Variants in TUSC3 observed in about 807,000 individuals in gnomAD.
The protein encoded by TUSC3 is tumor suppressor candidate 3.
TUSC3 carries 45 observed loss-of-function variants against 44.8 expected under a neutral mutation model. That is an observed-to-expected ratio of 1.00 (90% CI 0.79 to 1.29). TUSC3 has a LOEUF of 1.29. Among genes scored for constraint, TUSC3 ranks in the 50% most tolerant of loss-of-function variants. The pLI, the probability that TUSC3 is intolerant of heterozygous loss-of-function variation, is 0.00. For synonymous variants in TUSC3, 212 were observed against 152.9 expected, an observed-to-expected ratio of 1.39 and a Z score of -2.85; for missense variants, 519 against 437.9, an observed-to-expected ratio of 1.19 and a Z score of -1.65.
At chr8:15,534,021 C>G (rs975011357) in intron 2 of TUSC3, among the ~76,000 whole-genome samples, 1 of 152,104 alleles carries the variant, frequency 6.6e-6, no homozygotes, top group Non-Finnish European at 1.5e-5. Flanking sequence ...TCAAGGGAAA[C>G]TTTAGAATGG....
At chr8:15,497,123 A>G (rs906593400) in intron 2 of TUSC3, among the ~76,000 whole-genome samples, 102 of 152,286 alleles carry the variant, frequency 6.7e-4, no homozygotes, top group East Asian at 1.4e-3. Flanking sequence ...AGTAAGAGGA[A>G]TAAAAGGTAT....
chr8:15,495,819 C>T (rs1384137146), intron 2 of TUSC3, among the ~76,000 whole-genome samples: 2 of 152,112 alleles, frequency 1.3e-5, no homozygotes, highest in Non-Finnish European at 2.9e-5. Flanking sequence ...TGCACTCAGA[C>T]TTATAACCAT....
chr8:15,649,401 G>A (rs1296301778), intron 2 of TUSC3, among the ~76,000 whole-genome samples: 1 of 151,884 alleles, frequency 6.6e-6, no homozygotes, highest in Non-Finnish European at 1.5e-5. Flanking sequence ...TGGCTAACAC[G>A]GTGAAACCCC....
intron 5 of TUSC3, among the ~76,000 whole-genome samples, chr8:15,664,268 G>A (rs1409223156): frequency 2.0e-5 from 3 of 151,532 alleles, no homozygotes; most frequent in African/African-American, 7.3e-5. Context: ...ACACAAAGCT[G>A]GGCTTCTTTA....
chr8:15,582,964 A>C (rs1217570143), intron 1 of TUSC3, among the ~76,000 whole-genome samples: 1 of 152,166 alleles, frequency 6.6e-6, no homozygotes, highest in African/African-American at 2.4e-5. Context: ...TGCTTCCCAA[A>C]TCAAATCTTA....
intron 1 of TUSC3, among the ~76,000 whole-genome samples, chr8:15,424,405 CTA>C (rs1799779278): frequency 1.3e-5 from 2 of 152,132 alleles, no homozygotes; most frequent in South Asian, 4.1e-4. Context: ...AAAATCTGGA[CTA>C]TGTCTAGAGG....
the TUSC3 span, among the ~76,000 whole-genome samples, chr8:15,794,340 G>T: frequency 6.6e-6 from 1 of 152,212 alleles, no homozygotes; most frequent in African/African-American, 2.4e-5. Context: ...AGGGGTGACT[G>T]TTGGGCCTTC....
chr8:15,851,499 G>A, the TUSC3 span, among the ~76,000 whole-genome samples: 1 of 152,158 alleles, frequency 6.6e-6, no homozygotes, highest in Non-Finnish European at 1.5e-5. Context: ...ACTGCAAGGT[G>A]TGAACTGTTA....
rs528754191 is a variant in TUSC3 at position 15,519,891 on chromosome 8, C to G, written n.189+36408C>G. Reference sequence around the variant, plus strand: ...TGATGTGTTCATATGGAATAATAGTCTTGCCATATTGTCATAGCTACTATA... The same window carrying G: ...TGATGTGTTCATATGGAATAATAGTGTTGCCATATTGTCATAGCTACTATA... On this transcript the variant is annotated intron_variant and non_coding_transcript_variant, in intron 2 of 5. Coordinates refer to the TUSC3 transcript ENST00000503191. Among the ~76,000 whole-genome samples, 113 of 152,298 alleles carry G rather than the reference C, an allele frequency of 7.4e-4. 2 individuals carry two copies. The highest frequency in any genetic ancestry group is 2.6e-3 in the African/African-American group (108 of 41,580).
chr8:15,720,864 A>G (rs577554129), intron 6 of TUSC3, among the ~76,000 whole-genome samples: 41 of 152,264 alleles, frequency 2.7e-4, no homozygotes, highest in African/African-American at 9.6e-4. Context: ...GAAGGGCAAT[A>G]TAACAAATAT....
At chr8:15,710,420 G>A (rs1187906851) in intron 6 of TUSC3, among the ~76,000 whole-genome samples, 1 of 151,812 alleles carries the variant, frequency 6.6e-6, no homozygotes, top group Non-Finnish European at 1.5e-5. Context: ...AATAAAGAGT[G>A]AGAGTGGAAA....
At chr8:15,754,485 C>A (rs757863290) in intron 9 of TUSC3, among the ~76,000 whole-genome samples, 1 of 152,180 alleles carries the variant, frequency 6.6e-6, no homozygotes, top group Admixed American at 6.5e-5. Flanking sequence ...TCTTGGAAAG[C>A]TTCCTACTTC....
chr8:15,550,045 A>ACTGGGGG (rs1321712402), intron 1 of TUSC3, among the ~76,000 whole-genome samples: 1 of 151,672 alleles, frequency 6.6e-6, no homozygotes, highest in African/African-American at 2.4e-5. Context: ...GGGGTACGTG[A>ACTGGGGG]CTGGGGGCTG....
intron 2 of TUSC3, among the ~76,000 whole-genome samples, chr8:15,628,069 C>A (rs926708345): frequency 2.0e-5 from 3 of 152,292 alleles, no homozygotes; most frequent in Admixed American, 6.5e-5. Context: ...TTTGGTATAT[C>A]AGTTCGTTTT....
intron 1 of TUSC3, among the ~76,000 whole-genome samples, chr8:15,545,313 G>A (rs1054979292): frequency 6.6e-6 from 1 of 151,600 alleles, no homozygotes; most frequent in African/African-American, 2.4e-5. Flanking sequence ...GGGGGTCTAG[G>A]TGATGCCCAC....
chr8:15,698,613 C>G (rs544564943), intron 6 of TUSC3, among the ~76,000 whole-genome samples: 1 of 152,210 alleles, frequency 6.6e-6, no homozygotes, highest in African/African-American at 2.4e-5. Context: ...TATTACATCT[C>G]AGAATATTTG....
chr8:15,800,167 A>G, the TUSC3 span, among the ~76,000 whole-genome samples: 1 of 152,224 alleles, frequency 6.6e-6, no homozygotes, highest in Admixed American at 6.5e-5. Flanking sequence ...ACACAGGGCA[A>G]TCAGTGCCAC....
intron 1 of TUSC3, among the ~76,000 whole-genome samples, chr8:15,616,460 C>T (rs1245401343): frequency 5.9e-5 from 9 of 152,158 alleles, no homozygotes; most frequent in East Asian, 3.9e-4. Flanking sequence ...CGCCTGTAAT[C>T]AGTCTACTCG....
chr8:15,576,454 TC>T (rs1168484026), intron 1 of TUSC3, among the ~76,000 whole-genome samples: 3 of 71,332 alleles, frequency 4.2e-5, no homozygotes, highest in African/African-American at 1.0e-4. Flanking sequence ...ATGCTATCCC[TC>T]CCCCCCTCCC....
Sources: allele counts gnomAD v4.1 joint callset (sites outside exome capture counted in the v4.1 genomes callset), GRCh38; gene constraint gnomAD v4.1.1; transcripts MANE v1.5; gene names NCBI Gene and HGNC (gene_info 2026-07-23, HGNC 2026-07-21).